The following ADD3 variants were observed in gnomAD, a reference collection of about 807,000 sequenced individuals.
The protein encoded by ADD3 is gamma-adducin.
A neutral mutation model predicts 80.2 loss-of-function variants in ADD3; 25 were observed. The observed-to-expected ratio is 0.31, with a 90% CI of 0.23 to 0.44. The LOEUF is 0.44. Ranked by LOEUF, ADD3 falls within the 20% of genes least tolerant of loss-of-function variation. ADD3 has a pLI of 1.00. For synonymous variants in ADD3, 284 were observed against 289.6 expected, an observed-to-expected ratio of 0.98 and a Z score of 0.20; for missense variants, 829 against 847.5, an observed-to-expected ratio of 0.98 and a Z score of 0.27.
intron 1 of ADD3, among the ~76,000 whole-genome samples, chr10:110,051,360 T>G (rs10749024): frequency 0.93 from 142,263 of 152,244 alleles, 66,697 homozygotes; most frequent in East Asian, 1. Context: ...AACTGCTGCT[T>G]GTAATGTAAA....
At chr10:110,109,190 T>A (rs747263906) in intron 2 of ADD3, among the ~76,000 whole-genome samples, 2 of 152,170 alleles carry the variant, frequency 1.3e-5, no homozygotes, top group Non-Finnish European at 2.9e-5. Context: ...TCTCACCAGT[T>A]TAATAAATTG....
chr10:110,075,410 C>T (rs1845276300), intron 1 of ADD3, among the ~76,000 whole-genome samples: 1 of 151,832 alleles, frequency 6.6e-6, no homozygotes, highest in African/African-American at 2.4e-5. Context: ...TTCATTTTGT[C>T]TCTTCAACTC....
At chr10:110,008,785 T>A (rs191363997) in intron 1 of ADD3, among the ~76,000 whole-genome samples, 1,790 of 152,044 alleles carry the variant, frequency 0.012, 27 homozygotes, top group African/African-American at 0.04. Context: ...TAAAAAAAAT[T>A]TTTTTTGTTA....
At chr10:110,015,693 T>C (rs1444994681) in intron 1 of ADD3, among the ~76,000 whole-genome samples, 1 of 151,886 alleles carries the variant, frequency 6.6e-6, no homozygotes, top group African/African-American at 2.4e-5. Flanking sequence ...ATTTTTTTTT[T>C]AAGTGGACAT....
chr10:110,097,601 A>T (rs752109310), intron 1 of ADD3, among the ~76,000 whole-genome samples: 2 of 152,146 alleles, frequency 1.3e-5, no homozygotes, highest in Non-Finnish European at 2.9e-5. Flanking sequence ...ATTGATGTAA[A>T]TACTATTATC....
At chr10:110,014,207 G>T (rs1449902444) in intron 1 of ADD3, among the ~76,000 whole-genome samples, 1 of 152,224 alleles carries the variant, frequency 6.6e-6, no homozygotes, top group African/African-American at 2.4e-5. Flanking sequence ...TAGGAAGTTA[G>T]AGTGAGCAAC....
At chr10:110,079,416 C>T (rs1845746687) in intron 1 of ADD3, 1 of 128,292 alleles carries the variant, frequency 7.8e-6, no homozygotes, top group African/African-American at 3.0e-5. Context: ...ATTTATTTTT[C>T]AAAAAAATGA....
intron 2 of ADD3, among the ~76,000 whole-genome samples, chr10:110,111,836 C>T (rs1470969796): frequency 6.6e-6 from 1 of 151,868 alleles, no homozygotes; most frequent in African/African-American, 2.4e-5. Flanking sequence ...TCGCTTCAAC[C>T]CGGGAGGCGG....
upstream of ADD3, among the ~76,000 whole-genome samples, chr10:110,001,940 T>C (rs890259429): frequency 3.3e-5 from 5 of 152,254 alleles, no homozygotes; most frequent in Admixed American, 6.5e-5. Context: ...TAACGTATTT[T>C]AGGTTTCACA....
At chr10:110,047,804 A>T (rs1355385441) in intron 1 of ADD3, among the ~76,000 whole-genome samples, 2 of 152,262 alleles carry the variant, frequency 1.3e-5, no homozygotes, top group Non-Finnish European at 2.9e-5. Context: ...TTTAATATAT[A>T]TCCTCAGAAT....
At chr10:110,026,255 T>G (rs538819384) in intron 1 of ADD3, among the ~76,000 whole-genome samples, 2 of 151,798 alleles carry the variant, frequency 1.3e-5, no homozygotes, top group Non-Finnish European at 2.9e-5. Context: ...TGAAATAGAT[T>G]ATAGAACTTA....
intron 1 of ADD3, among the ~76,000 whole-genome samples, chr10:110,041,287 G>C (rs574271616): frequency 6.6e-6 from 1 of 152,302 alleles, no homozygotes; most frequent in East Asian, 1.9e-4. Flanking sequence ...GGAGGCAGAT[G>C]AGGTTTTCCA....
chr10:110,059,984 C>A (rs1336728212), intron 1 of ADD3, among the ~76,000 whole-genome samples: 1 of 152,066 alleles, frequency 6.6e-6, no homozygotes, highest in Non-Finnish European at 1.5e-5. Context: ...GACACCTCGT[C>A]AAGGCTACTT....
At chr10:110,101,288 T>TA (rs1175519192) in intron 2 of ADD3, among the ~76,000 whole-genome samples, 1 of 152,118 alleles carries the variant, frequency 6.6e-6, no homozygotes, top group Non-Finnish European at 1.5e-5. Context: ...AGCCTAGTAT[T>TA]ACATATGTCT....
At position 110,132,333 on chromosome 10, in the gene ADD3, C is replaced by T. The variant is rs575167097; in HGVS notation, c.1761C>T (p.Asp587=). 2.4e-5 allele frequency: 39 copies of T among 1,613,368 alleles called. No individual in the cohort carries two copies. Among genetic ancestry groups the T allele is most frequent in the African/African-American group, 1.6e-4 (12 of 74,882 alleles). The change falls in exon 14 of 15, where the codon GAC becomes GAT. Residue 587 remains aspartate, a synonymous_variant. Transcript: ENST00000356080. The stretch of plus-strand genomic sequence containing the variant: ...CTGAGCAGGAATTACTCTCAGATGA[C>T]GCTTCATCTGTTTCACAAATTCAGT... The part of the protein sequence containing the change: ...EDAEQELLSD[D]ASSVSQIQSQ...
intron 1 of ADD3, among the ~76,000 whole-genome samples, chr10:110,043,234 T>G (rs1282022459): frequency 1.3e-5 from 2 of 152,258 alleles, no homozygotes; most frequent in Non-Finnish European, 2.9e-5. Flanking sequence ...CAAATGAGTA[T>G]TTCTTTTAAC....
intron 1 of ADD3, among the ~76,000 whole-genome samples, chr10:110,087,837 C>T (rs1388584515): frequency 3.3e-5 from 5 of 152,148 alleles, no homozygotes; most frequent in Non-Finnish European, 7.3e-5. Flanking sequence ...ACTGCAATCC[C>T]GGTGGCTAAA....
At chr10:110,001,185 T>A (rs936774409), upstream of ADD3, among the ~76,000 whole-genome samples, 4 of 152,020 alleles carry the variant, frequency 2.6e-5, no homozygotes, top group African/African-American at 9.7e-5. Flanking sequence ...GAAGCCGAGG[T>A]GGGTGGGTCA....
In ADD3 at chr10:110,118,583, C is replaced by G. The variant is rs758003154; in HGVS notation, c.568-4C>G. On this transcript the variant is annotated splice_polypyrimidine_tract_variant and splice_region_variant and intron_variant, in intron 5 of 14. Coordinates refer to ENST00000356080, the MANE Select transcript of ADD3 (RefSeq NM_016824.5). ...GTTAAATATGTCCTTCTGATTTTTTCCAGGTGAAAGTCAATATAATAGGAG... is the reference window on the plus strand; with the variant it reads ...GTTAAATATGTCCTTCTGATTTTTTGCAGGTGAAAGTCAATATAATAGGAG... 48 of 1,612,724 alleles carry G rather than the reference C, an allele frequency of 3.0e-5. No individual in the cohort carries two copies. The highest frequency in any genetic ancestry group is 4.1e-5 in the Non-Finnish European group (48 of 1,179,072).
Sources: allele counts gnomAD v4.1 joint callset (sites outside exome capture counted in the v4.1 genomes callset), GRCh38; gene constraint gnomAD v4.1.1; transcripts MANE v1.5; gene names NCBI Gene and HGNC (gene_info 2026-07-23, HGNC 2026-07-21).